The following BCAS4 variants were observed in gnomAD, a reference collection of about 807,000 sequenced individuals.
BCAS4 encodes the protein breast carcinoma amplified sequence 4.
Under a neutral mutation model 15.7 loss-of-function variants are expected in BCAS4, and 9 were observed. The ratio of observed to expected loss-of-function variants is 0.57; its 90% CI spans 0.34 to 1.00. The LOEUF is 1.00. Among genes scored for constraint, BCAS4 ranks in the 50% least tolerant of loss-of-function variants. BCAS4 has a pLI of 0.02. For missense variants in BCAS4, 225 were observed against 239.1 expected (o/e 0.94, Z 0.39); for synonymous variants, 101 against 99.5 (o/e 1.02, Z -0.09).
intron 1 of BCAS4, among the ~76,000 whole-genome samples, chr20:50,809,640 A>G (rs184065172): frequency 6.6e-6 from 1 of 152,240 alleles, no homozygotes. Flanking sequence ...AGTTCCATGA[A>G]GAACGATGGT....
chr20:50,795,520 G>C (rs757394402), intron 1 of BCAS4, among the ~76,000 whole-genome samples: 25 of 152,292 alleles, frequency 1.6e-4, no homozygotes, highest in Non-Finnish European at 3.4e-4. Context: ...AGCGGTGCCC[G>C]GGCCGAGCGG....
intron 1 of BCAS4, among the ~76,000 whole-genome samples, chr20:50,809,337 A>C (rs772350466): frequency 6.6e-6 from 1 of 151,948 alleles, no homozygotes; most frequent in African/African-American, 2.4e-5. Context: ...AGTGTCCCCA[A>C]TAGCTGGGAT....
At position 50,841,785 on chromosome 20, in the gene BCAS4, G is replaced by C; in HGVS notation, c.284G>C (p.Gly95Ala). 1 of 1,614,018 alleles carries C rather than the reference G, an allele frequency of 6.2e-7. No homozygotes were observed. The highest frequency in any genetic ancestry group is 8.5e-7 in the Non-Finnish European group (1 of 1,180,026). ...DRLEAFVKMV[G>A]HHVAFLEADV... ...CCTCAGGCCTTCGTCAAGATGGTTGGACACCACGTCGCCTTCCTGGAAGCA... is the reference window on the plus strand; with the variant it reads ...CCTCAGGCCTTCGTCAAGATGGTTGCACACCACGTCGCCTTCCTGGAAGCA... The change falls in exon 4 of 5, where the codon GGA becomes GCA. Residue 95 changes from glycine to alanine, a missense_variant. Physicochemically the swap from Gly to Ala is moderately conservative, Grantham distance 60. Transcript: ENST00000371608.
intron 1 of BCAS4, among the ~76,000 whole-genome samples, chr20:50,795,992 T>C (rs745520374): frequency 6.6e-6 from 1 of 151,870 alleles, no homozygotes; most frequent in Non-Finnish European, 1.5e-5. Context: ...GAGGATTGCT[T>C]GGGATGGGGA....
chr20:50,874,052 G>A (rs1979791596), intron 4 of BCAS4, among the ~76,000 whole-genome samples: 1 of 152,120 alleles, frequency 6.6e-6, no homozygotes, highest in Non-Finnish European at 1.5e-5. Flanking sequence ...ACTTTTGGGG[G>A]ACACATGAAA....
At chr20:50,832,458 ATATT>A (rs1364668406) in intron 3 of BCAS4, among the ~76,000 whole-genome samples, 1 of 151,958 alleles carries the variant, frequency 6.6e-6, no homozygotes, top group African/African-American at 2.4e-5. Flanking sequence ...GGGTTTTGCC[ATATT>A]GTCTAGGCTG....
At chr20:50,869,234 A>G (rs962311724) in intron 4 of BCAS4, among the ~76,000 whole-genome samples, 4 of 152,174 alleles carry the variant, frequency 2.6e-5, no homozygotes, top group African/African-American at 9.7e-5. Context: ...GCTCCCTGGC[A>G]CTGGGGGTGC....
chr20:50,841,677 C>T, intron 3 of BCAS4, 89 bp from the exon 4 acceptor site: 1 of 1,569,120 alleles, frequency 6.4e-7, no homozygotes, highest in South Asian at 1.1e-5. Context: ...TGATGAAAGG[C>T]CTGGAGTCCC....
At chr20:50,863,211 A>G (rs924807333) in intron 4 of BCAS4, among the ~76,000 whole-genome samples, 1 of 143,006 alleles carries the variant, frequency 7.0e-6, no homozygotes, top group Non-Finnish European at 1.5e-5. Flanking sequence ...ACCTGACAAC[A>G]TGGTAGGTCA....
chr20:50,859,021 C>G (rs556937715), intron 4 of BCAS4, among the ~76,000 whole-genome samples: 1 of 151,898 alleles, frequency 6.6e-6, no homozygotes, highest in South Asian at 2.1e-4. Context: ...GCAGCCTTGA[C>G]CTCCTGGGCT....
At chr20:50,812,867 G>A (rs2088088753) in intron 1 of BCAS4, among the ~76,000 whole-genome samples, 1 of 152,066 alleles carries the variant, frequency 6.6e-6, no homozygotes, top group African/African-American at 2.4e-5. Context: ...CCAGGCTGGA[G>A]TGCAGTGGCG....
At chr20:50,840,369 G>T (rs2088461891) in intron 3 of BCAS4, among the ~76,000 whole-genome samples, 1 of 152,136 alleles carries the variant, frequency 6.6e-6, no homozygotes, top group African/African-American at 2.4e-5. Flanking sequence ...AGATTTCACT[G>T]TTGTCCCACC....
intron 4 of BCAS4, among the ~76,000 whole-genome samples, chr20:50,862,875 T>C (rs944839143): frequency 6.6e-6 from 1 of 152,192 alleles, no homozygotes; most frequent in African/African-American, 2.4e-5. Context: ...AGTCTCACTC[T>C]GTCACCCAGG....
chr20:50,863,424 T>C lies in BCAS4; in HGVS notation c.400-13062T>C, dbSNP rs191825668. On this transcript the variant is annotated intron_variant, in intron 4 of 4. Transcript: ENST00000371608. ...AGGTGCGTGCCACTATGCCTGGCTA[T>C]TTTTTGTATTTTTAATAGAGATGGG... 9.4e-5 allele frequency among the ~76,000 whole-genome samples: 14 copies of C among 149,638 alleles called. No homozygotes were observed. The East Asian group carries it at 2.8e-3, about 30-fold the overall frequency.
chr20:50,870,095 T>A (rs1979559316), intron 4 of BCAS4, among the ~76,000 whole-genome samples: 1 of 152,174 alleles, frequency 6.6e-6, no homozygotes, highest in South Asian at 2.1e-4. Context: ...AGCCATGCCT[T>A]CTGTTTACAT....
chr20:50,860,524 G>C (rs1006036347), intron 4 of BCAS4, among the ~76,000 whole-genome samples: 4 of 152,182 alleles, frequency 2.6e-5, no homozygotes, highest in African/African-American at 9.7e-5. Context: ...GTGACCCTTT[G>C]GGATTGGCTG....
intron 1 of BCAS4, among the ~76,000 whole-genome samples, chr20:50,808,536 T>A (rs2088022198): frequency 6.6e-6 from 1 of 152,242 alleles, no homozygotes; most frequent in African/African-American, 2.4e-5. Flanking sequence ...TTTGATTTTT[T>A]GATTATAGCC....
At chr20:50,849,884 T>C (rs1051515559) in intron 4 of BCAS4, among the ~76,000 whole-genome samples, 3 of 152,192 alleles carry the variant, frequency 2.0e-5, no homozygotes, top group African/African-American at 7.2e-5. Flanking sequence ...CCCAGCACTT[T>C]GGAAGGCCAA....
intron 4 of BCAS4, among the ~76,000 whole-genome samples, chr20:50,860,010 T>C (rs905629512): frequency 6.6e-6 from 1 of 152,118 alleles, no homozygotes; most frequent in Non-Finnish European, 1.5e-5. Flanking sequence ...GTAGCATATG[T>C]CTGGGGTTCC....
Sources: allele counts gnomAD v4.1 joint callset (sites outside exome capture counted in the v4.1 genomes callset), GRCh38; gene constraint gnomAD v4.1.1; transcripts MANE v1.5; gene names NCBI Gene and HGNC (gene_info 2026-07-23, HGNC 2026-07-21).